PCDHGB1: variants seen among roughly 807,000 people sequenced by gnomAD.
PCDHGB1 encodes the protein protocadherin gamma subfamily B, 1, also known as protocadherin gamma-B1.
In PCDHGB1, 34 loss-of-function variants were observed where a neutral mutation model predicts 56.6. The ratio of observed to expected loss-of-function variants is 0.60; its 90% confidence interval spans 0.46 to 0.80. The LOEUF is 0.80. Ranked by LOEUF, PCDHGB1 falls within the 30% of genes least tolerant of loss-of-function variation. The probability of loss-of-function intolerance (pLI) is 0.00; values close to 1 mark genes in which losing one functional copy is unlikely to be tolerated. For synonymous variants in PCDHGB1, 561 were observed against 505.9 expected (o/e 1.11, Z -1.46); for missense variants, 1,278 against 1,204.6 (o/e 1.06, Z -0.90).
chr5:141,374,122 G>C, intron 1 of PCDHGB1: 5 of 1,597,596 alleles, frequency 3.1e-6, no homozygotes, highest in Non-Finnish European at 4.3e-6. Context: ...GCAGCGAGCA[G>C]GTCCTGCTCC....
intron 1 of PCDHGB1, chr5:141,382,734 G>A: frequency 1.8e-6 from 1 of 566,662 alleles, no homozygotes; most frequent in South Asian, 3.4e-5. Context: ...ACAGCACAGA[G>A]AAACGACAGA....
At chr5:141,505,935 C>T (rs2099849264) in intron 3 of PCDHGB1, among the ~76,000 whole-genome samples, 1 of 152,146 alleles carries the variant, frequency 6.6e-6, no homozygotes, top group African/African-American at 2.4e-5. Flanking sequence ...CGCTTGGAAG[C>T]CCTCAAGCAA....
intron 1 of PCDHGB1, chr5:141,376,844 G>C (rs897403160): frequency 1.7e-5 from 4 of 242,114 alleles, no homozygotes; most frequent in Non-Finnish European, 3.2e-5. Context: ...CCGCCACCGC[G>C]CCCGGCTAAT....
chr5:141,374,436 C>T, intron 1 of PCDHGB1: 3 of 1,613,872 alleles, frequency 1.9e-6, no homozygotes, highest in Non-Finnish European at 2.5e-6. Context: ...AATCTTTATC[C>T]CGTGGAAGTG....
intron 1 of PCDHGB1, chr5:141,360,747 G>T: frequency 6.2e-7 from 1 of 1,613,922 alleles, no homozygotes; most frequent in South Asian, 1.1e-5. Flanking sequence ...ACAGAGAAGA[G>T]CACAGTTTAC....
chr5:141,366,291 T>A, intron 1 of PCDHGB1: 1 of 1,613,746 alleles, frequency 6.2e-7, no homozygotes, highest in Non-Finnish European at 8.5e-7. Context: ...CAGCCCCCTC[T>A]GTCAGCCACC....
At position 141,420,019 on chromosome 5, in the gene PCDHGB1, C is replaced by T. The variant is rs2096459006; in HGVS notation, c.2409+67350C>T. 13 of 1,614,072 alleles carry T rather than the reference C, an allele frequency of 8.1e-6. No homozygotes were observed. In the East Asian group the frequency reaches 2.7e-4, roughly 33 times the overall value. On this transcript the variant is annotated intron_variant, in intron 1 of 3. Coordinates refer to ENST00000523390, the MANE Select transcript of PCDHGB1 (RefSeq NM_018922.3). ...CTCTACGCCTGCGACAGTCTTTCAGCCCTACTGCAGGAGACTGCTTTGAGT... is the reference window on the plus strand; with the variant it reads ...CTCTACGCCTGCGACAGTCTTTCAGTCCTACTGCAGGAGACTGCTTTGAGT...
intron 1 of PCDHGB1, among the ~76,000 whole-genome samples, chr5:141,373,507 A>T (rs1769637375): frequency 6.6e-6 from 1 of 152,236 alleles, no homozygotes; most frequent in Non-Finnish European, 1.5e-5. Flanking sequence ...TGGGAGACAG[A>T]GCGAGACTTT....
At chr5:141,375,610 C>G in intron 1 of PCDHGB1, 1 of 1,614,224 alleles carries the variant, frequency 6.2e-7, no homozygotes, top group Non-Finnish European at 8.5e-7. Context: ...CCATCAACTC[C>G]GACACTGGGA....
At chr5:141,388,369 T>G in intron 1 of PCDHGB1, 1 of 1,614,006 alleles carries the variant, frequency 6.2e-7, no homozygotes, top group Non-Finnish European at 8.5e-7. Flanking sequence ...GATGCGGATA[T>G]TGGTAGCAAC....
chr5:141,351,655 C>T lies in PCDHGB1; in HGVS notation c.1395C>T (p.Ala465=). The change falls in exon 1 of 4, where the codon GCC becomes GCT. Residue 465 remains alanine, a synonymous_variant. Transcript: ENST00000523390. ...VHVSENNPPG[A]SIAQVSASDP... is the part of the protein sequence containing the mutation. ...TGTCTGAGAACAACCCACCTGGCGCCTCCATTGCACAAGTAAGCGCCTCCG... is the reference window on the plus strand; with the variant it reads ...TGTCTGAGAACAACCCACCTGGCGCTTCCATTGCACAAGTAAGCGCCTCCG... 2 of 1,614,068 alleles carry T rather than the reference C, an allele frequency of 1.2e-6. No individual in the cohort carries two copies. The highest frequency in any genetic ancestry group is 1.7e-6 in the Non-Finnish European group (2 of 1,179,910).
chr5:141,422,833 C>T, intron 1 of PCDHGB1: 2 of 1,614,224 alleles, frequency 1.2e-6, no homozygotes, highest in East Asian at 2.2e-5. Context: ...AGTGATAGCA[C>T]GTGACAGCGG....
intron 1 of PCDHGB1, chr5:141,421,613 A>T (rs2096587756): frequency 6.2e-7 from 1 of 1,613,720 alleles, no homozygotes; most frequent in Admixed American, 1.7e-5. Context: ...GATATTAATG[A>T]TAACGCCCCC....
intron 1 of PCDHGB1, chr5:141,422,710 G>T: frequency 6.2e-7 from 1 of 1,603,486 alleles, no homozygotes; most frequent in African/African-American, 1.3e-5. Context: ...TCTGACGGAT[G>T]ACACTGTCCA....
At chr5:141,501,423 A>G (rs1195105794) in intron 2 of PCDHGB1, among the ~76,000 whole-genome samples, 4 of 151,966 alleles carry the variant, frequency 2.6e-5, no homozygotes, top group African/African-American at 7.2e-5. Flanking sequence ...AGTTGACTAA[A>G]TGTAGTCCAT....
chr5:141,430,930 G>A, intron 1 of PCDHGB1: 2 of 1,607,320 alleles, frequency 1.2e-6, no homozygotes, highest in Non-Finnish European at 1.7e-6. Context: ...TGGAGCCCCG[G>A]GAGCTCGCGG....
At chr5:141,419,602 C>G (rs757423030) in intron 1 of PCDHGB1, 3 of 1,611,874 alleles carry the variant, frequency 1.9e-6, no homozygotes, top group African/African-American at 2.7e-5. Context: ...TGCCGCGGGC[C>G]GCGCAGCCAG....
At position 141,385,321 on chromosome 5, in the gene PCDHGB1, C is replaced by T. The variant is rs1267234548; in HGVS notation, c.2409+32652C>T. On this transcript the variant is annotated intron_variant, in intron 1 of 3. Transcript: ENST00000523390. ...ATGTAAAGAAAACCTGCCAAGTATT[C>T]AGGTGAGCCCAGCCCTTCCTTTATT... 3.7e-6 allele frequency: 6 copies of T among 1,606,764 alleles called. No homozygotes were observed. The South Asian group carries it at 6.7e-5, about 18-fold the overall frequency.
intron 1 of PCDHGB1, chr5:141,366,262 G>A: frequency 6.2e-7 from 1 of 1,613,718 alleles, no homozygotes; most frequent in Non-Finnish European, 8.5e-7. Flanking sequence ...GCCTCGTGGT[G>A]GCCGTCGAAG....
Sources: allele counts gnomAD v4.1 joint callset (sites outside exome capture counted in the v4.1 genomes callset), GRCh38; gene constraint gnomAD v4.1.1; transcripts MANE v1.5; gene names NCBI Gene and HGNC (gene_info 2026-07-23, HGNC 2026-07-21).